SLC16A7: variants seen among roughly 807,000 people sequenced by gnomAD.
The protein encoded by SLC16A7 is solute carrier family 16 member 7.
A neutral mutation model predicts 34.9 loss-of-function variants in SLC16A7; 33 were observed. The ratio of observed to expected loss-of-function variants is 0.94; its 90% CI spans 0.72 to 1.26. The LOEUF is 1.26. Among genes scored for constraint, SLC16A7 ranks in the 50% most tolerant of loss-of-function variants. The pLI is 0.00. For synonymous variants in SLC16A7, 201 were observed against 206.6 expected, an observed-to-expected ratio of 0.97 and a Z score of 0.23; for missense variants, 573 against 578.1, an observed-to-expected ratio of 0.99 and a Z score of 0.09.
chr12:59,604,468 C>T (rs956930241), intron 1 of SLC16A7, among the ~76,000 whole-genome samples: 1 of 152,158 alleles, frequency 6.6e-6, no homozygotes, highest in Admixed American at 6.5e-5. Flanking sequence ...AAACAACAAA[C>T]ATGTCTTGTG....
intron 3 of SLC16A7, among the ~76,000 whole-genome samples, chr12:59,730,315 T>A (rs545454986): frequency 6.7e-6 from 1 of 150,360 alleles, no homozygotes; most frequent in East Asian, 1.9e-4. Context: ...GATAGTCTTA[T>A]GTCCACTCTA....
chr12:59,701,406 T>C (rs1274776148), intron 2 of SLC16A7, among the ~76,000 whole-genome samples: 1 of 151,696 alleles, frequency 6.6e-6, no homozygotes, highest in East Asian at 1.9e-4. Context: ...TAAAGGAAAA[T>C]AGGCTTAAAT....
At position 59,786,191 on chromosome 12, in the gene SLC16A7, T is replaced by TAAATA. The variant is rs549132865; in HGVS notation, c.*6529_*6533dup. ...CCTAAAACTTAAAGTATAATAATAATAAATAAAATAAAATAAAATAATAAA... is the reference window on the plus strand; with the variant it reads ...CCTAAAACTTAAAGTATAATAATAATAAATAAAATAAAATAAAATAAAATAATAAA... On this transcript the variant is annotated 3_prime_UTR_variant, in exon 6 of 6. Coordinates refer to ENST00000547379, the MANE Select transcript of SLC16A7 (RefSeq NM_001270623.2). 7 of 150,414 alleles carry TAAATA rather than the reference T, an allele frequency of 4.7e-5. No homozygotes were observed. The highest frequency in any genetic ancestry group is 7.3e-5 in the African/African-American group (3 of 40,916). The allele number at this position is 150,414 out of a possible 1,614,324, so 9.3% of individuals were successfully genotyped here.
chr12:59,731,920 T>C (rs1876997595), intron 3 of SLC16A7, among the ~76,000 whole-genome samples: 1 of 152,198 alleles, frequency 6.6e-6, no homozygotes. Flanking sequence ...ATTTGTTTTG[T>C]TCACTGTAAA....
Position 59,610,605 on chromosome 12 carries a change from A to G in SLC16A7, c.-130+14369A>G, listed in dbSNP as rs960534749. Among the ~76,000 whole-genome samples the G allele has an allele frequency of 2.6e-5, 4 of 152,242 alleles. No homozygotes were observed. In the South Asian group the frequency reaches 8.3e-4, roughly 31 times the overall value. On this transcript the variant is annotated intron_variant, in intron 1 of 5. Coordinates refer to ENST00000547379, the MANE Select transcript of SLC16A7 (RefSeq NM_001270623.2). Reference sequence around the variant, plus strand: ...TTCATTAGAATACCAGAACTTCATTATAACTTGAAATTCAATGTAAGGGTT... The same window carrying G: ...TTCATTAGAATACCAGAACTTCATTGTAACTTGAAATTCAATGTAAGGGTT...
At chr12:59,655,059 A>G (rs974752074) in intron 1 of SLC16A7, 93 bp from the exon 2 acceptor site, 1 of 152,018 alleles carries the variant, frequency 6.6e-6, no homozygotes, top group African/African-American at 2.4e-5. Flanking sequence ...ACATGTTATT[A>G]AGTCTTTCAG....
At chr12:59,618,906 C>T (rs550271404) in intron 1 of SLC16A7, among the ~76,000 whole-genome samples, 23 of 151,968 alleles carry the variant, frequency 1.5e-4, no homozygotes, top group Admixed American at 8.5e-4. Context: ...CAATTGGCTG[C>T]GTTTTCTATA....
intron 1 of SLC16A7, among the ~76,000 whole-genome samples, chr12:59,643,267 A>T (rs1207356980): frequency 1.3e-5 from 2 of 152,142 alleles, no homozygotes; most frequent in Non-Finnish European, 2.9e-5. Context: ...CTGACATTAA[A>T]TCCATTCCAT....
intron 2 of SLC16A7, among the ~76,000 whole-genome samples, chr12:59,697,118 T>C (rs774344381): frequency 4.6e-5 from 7 of 151,956 alleles, no homozygotes; most frequent in Non-Finnish European, 7.4e-5. Context: ...GCAGGAACAA[T>C]TTAAGTAGTT....
intron 2 of SLC16A7, among the ~76,000 whole-genome samples, chr12:59,669,888 C>T (rs1481070267): frequency 6.6e-6 from 1 of 152,110 alleles, no homozygotes; most frequent in East Asian, 1.9e-4. Context: ...GCTTACCTTC[C>T]TTGTCTAGTG....
chr12:59,761,781 G>C (rs907287854), intron 3 of SLC16A7, among the ~76,000 whole-genome samples: 3 of 152,044 alleles, frequency 2.0e-5, no homozygotes, highest in Admixed American at 6.6e-5. Context: ...GGAAGCTCTT[G>C]GCAGGGCTAC....
Position 59,789,836 on chromosome 12 carries a change from G to A in SLC16A7, c.*10157G>A, listed in dbSNP as rs1245494739. On this transcript the variant is annotated 3_prime_UTR_variant, in exon 6 of 6. Coordinates refer to ENST00000547379, the MANE Select transcript of SLC16A7 (RefSeq NM_001270623.2). ...TTAAAATTAAAATAAAAAAATTCAT[G>A]TTAAATTTTTGAAATGAAATCTATA... is the stretch of plus-strand genomic sequence containing the variant. 1 of 148,782 alleles carries A rather than the reference G, an allele frequency of 6.7e-6. No individual in the cohort carries two copies. Among genetic ancestry groups the A allele is most frequent in the Non-Finnish European group, 1.5e-5 (1 of 66,000 alleles). 9.2% of individuals were successfully genotyped at this position (148,782 alleles called of 1,614,324 possible).
At chr12:59,639,496 G>T (rs1880579857) in intron 1 of SLC16A7, among the ~76,000 whole-genome samples, 1 of 152,076 alleles carries the variant, frequency 6.6e-6, no homozygotes, top group African/African-American at 2.4e-5. Context: ...CTATCCTCCT[G>T]CCTCAGCTTC....
intron 1 of SLC16A7, among the ~76,000 whole-genome samples, chr12:59,636,518 G>A (rs1880435199): frequency 6.6e-6 from 1 of 152,056 alleles, no homozygotes; most frequent in South Asian, 2.1e-4. Flanking sequence ...AGGTTGTAGT[G>A]CAATGGCACA....
intron 2 of SLC16A7, among the ~76,000 whole-genome samples, chr12:59,669,000 A>G (rs988107322): frequency 2.6e-5 from 4 of 152,288 alleles, no homozygotes; most frequent in African/African-American, 9.6e-5. Flanking sequence ...AGGCCTCTCC[A>G]GCCATGTGGA....
intron 3 of SLC16A7, 149 bp downstream of exon 3, chr12:59,705,167 T>C (rs1873421359): frequency 6.7e-6 from 4 of 595,640 alleles, no homozygotes; most frequent in Non-Finnish European, 1.2e-5. Flanking sequence ...AGAACTGAAA[T>C]TTCAATGATT....
intron 2 of SLC16A7, among the ~76,000 whole-genome samples, chr12:59,679,470 C>T (rs1251721017): frequency 6.6e-6 from 1 of 152,198 alleles, no homozygotes; most frequent in Non-Finnish European, 1.5e-5. Flanking sequence ...GAGTTAATCT[C>T]ATTCTTCAAG....
chr12:59,743,040 T>A (rs1878511183), intron 3 of SLC16A7, among the ~76,000 whole-genome samples: 2 of 152,192 alleles, frequency 1.3e-5, no homozygotes, highest in African/African-American at 4.8e-5. Context: ...CTTTCAGAAC[T>A]TAATTATGTA....
At chr12:59,744,747 G>A (rs559148518) in intron 3 of SLC16A7, among the ~76,000 whole-genome samples, 3 of 152,290 alleles carry the variant, frequency 2.0e-5, no homozygotes, top group African/African-American at 4.8e-5. Context: ...CTGAGGCTTC[G>A]GCGATAGCAG....
Sources: allele counts gnomAD v4.1 joint callset (sites outside exome capture counted in the v4.1 genomes callset), GRCh38; gene constraint gnomAD v4.1.1; transcripts MANE v1.5; gene names NCBI Gene and HGNC (gene_info 2026-07-23, HGNC 2026-07-21).